ACAP2: variants seen among roughly 807,000 people sequenced by gnomAD.
The protein encoded by ACAP2 is ArfGAP with coiled-coil, ankyrin repeat and PH domains 2, also known as arf-GAP with coiled-coil, ANK repeat and PH domain-containing protein 2.
In ACAP2, 39 loss-of-function variants were observed where a neutral mutation model predicts 115.8. That is an observed-to-expected ratio of 0.34 (90% CI 0.26 to 0.44). ACAP2 has a LOEUF of 0.44. Among genes scored for constraint, ACAP2 ranks in the 20% least tolerant of loss-of-function variants. ACAP2 has a pLI of 1.00. For synonymous variants in ACAP2, 289 were observed against 315.8 expected (o/e 0.92, Z 0.90); for missense variants, 662 against 927.6 (o/e 0.71, Z 3.72).
At chr3:195,296,043 T>A (rs1727638452) in intron 16 of ACAP2, 151 bp from the exon 17 acceptor site, 3 of 610,476 alleles carry the variant, frequency 4.9e-6, no homozygotes, top group Non-Finnish European at 8.3e-6. Flanking sequence ...ATATATATAT[T>A]ATGTTTCCCT....
In ACAP2 at chr3:195,442,802, G is replaced by C; in HGVS notation, c.46C>G (p.Arg16Gly). The change falls in exon 1 of 23, where the codon CGC (arginine) becomes GGC (glycine). Residue 16 changes from arginine to glycine, a missense_variant. By Grantham distance (125) the Arg-to-Gly change is moderately radical (BLOSUM62 -2). Around this residue, in one of 3 missense-constraint regions of ACAP2, gnomAD observed 401 missense variants for 604.4 expected, o/e 0.66. Transcript: ENST00000326793. ...DFEECLKDSP[R>G]FRAALEEVEG... Reference sequence around the variant, plus strand: ...GGCGGCCGTGCCGGTTACCTGAAGCGGGGCGAGTCCTTCAGACACTCCTCG... The same window carrying C: ...GGCGGCCGTGCCGGTTACCTGAAGCCGGGCGAGTCCTTCAGACACTCCTCG... 1 of 1,529,790 alleles carries C rather than the reference G, an allele frequency of 6.5e-7. No individual in the cohort carries two copies. The allele number at this position is 1,529,790 out of a possible 1,614,324, so 94.8% of individuals were successfully genotyped here.
intron 4 of ACAP2, among the ~76,000 whole-genome samples, chr3:195,362,890 T>A (rs114378290): frequency 0.025 from 3,872 of 152,226 alleles, 147 homozygotes; most frequent in African/African-American, 0.085. Context: ...TTCTCTAAGA[T>A]CTGGAAGAAG....
In ACAP2 at chr3:195,297,172, A is replaced by C. The variant is rs772624211; in HGVS notation, c.1487+18T>G. On this transcript the variant is annotated intron_variant, in intron 16 of 22. Transcript: ENST00000326793. ...AGCTATATTCCTAATTAGGGGGAAA[A>C]AACAACTGAAATAGTACCTTTGTCC... is the stretch of plus-strand genomic sequence containing the variant. The C allele has an allele frequency of 7.5e-6, 12 of 1,603,766 alleles. No individual in the cohort carries two copies. The highest frequency in any genetic ancestry group is 1.0e-5 in the Non-Finnish European group (12 of 1,173,538).
chr3:195,328,479 G>A (rs1219129522), intron 8 of ACAP2, among the ~76,000 whole-genome samples: 1 of 152,104 alleles, frequency 6.6e-6, no homozygotes, highest in Non-Finnish European at 1.5e-5. Context: ...GATACAGGTG[G>A]CAACTATGCT....
chr3:195,403,007 G>A (rs1225547322), intron 1 of ACAP2, among the ~76,000 whole-genome samples: 1 of 152,266 alleles, frequency 6.6e-6, no homozygotes, highest in East Asian at 1.9e-4. Context: ...GATGGTATGC[G>A]ATAAGGTGGT....
intron 10 of ACAP2, 44 bp downstream of exon 10, chr3:195,320,657 T>C: frequency 2.1e-6 from 3 of 1,395,736 alleles, no homozygotes; most frequent in Admixed American, 1.7e-5. Context: ...AGTCAGAAAA[T>C]CAAAACTATG....
intron 4 of ACAP2, among the ~76,000 whole-genome samples, chr3:195,377,138 C>CTTTTTTGTTT (rs1733602783): frequency 1.3e-5 from 1 of 77,082 alleles, no homozygotes; most frequent in Admixed American, 1.7e-4. Context: ...GAATGTAAAT[C>CTTTTTTGTTT]TTTTTTTTTT....
chr3:195,323,338 T>G (rs180787449), intron 9 of ACAP2, among the ~76,000 whole-genome samples: 53 of 152,238 alleles, frequency 3.5e-4, no homozygotes, highest in African/African-American at 1.3e-3. Flanking sequence ...AATTGAGAGA[T>G]AAATCAATAT....
chr3:195,306,957 T>A, intron 12 of ACAP2: 2 of 358,626 alleles, frequency 5.6e-6, no homozygotes, highest in Middle Eastern at 1.5e-3. Flanking sequence ...GAAACTCATA[T>A]GATTTCAATT....
intron 13 of ACAP2, among the ~76,000 whole-genome samples, chr3:195,303,122 A>T (rs1215347476): frequency 1.3e-5 from 2 of 152,228 alleles, no homozygotes; most frequent in East Asian, 3.8e-4. Context: ...AGGCTGAGAC[A>T]TGAGAATAGC....
chr3:195,417,345 A>C (rs773507332), intron 1 of ACAP2, among the ~76,000 whole-genome samples: 1 of 152,008 alleles, frequency 6.6e-6, no homozygotes, highest in Non-Finnish European at 1.5e-5. Context: ...TTCTCCAAAA[A>C]TCTGTTGTTC....
intron 22 of ACAP2, among the ~76,000 whole-genome samples, chr3:195,280,243 C>T (rs931947572): frequency 6.6e-6 from 1 of 152,062 alleles, no homozygotes; most frequent in African/African-American, 2.4e-5. Context: ...GAGGCTGAGG[C>T]GGGCAGATCA....
At chr3:195,280,373 G>A (rs922039944) in intron 22 of ACAP2, among the ~76,000 whole-genome samples, 3 of 152,272 alleles carry the variant, frequency 2.0e-5, no homozygotes, top group South Asian at 4.1e-4. Flanking sequence ...TCGGGAGGCT[G>A]AGGCAGGAGA....
At chr3:195,288,099 C>CA (rs547624793) in intron 21 of ACAP2, among the ~76,000 whole-genome samples, 4,799 of 120,366 alleles carry the variant, frequency 0.04, 135 homozygotes, top group East Asian at 0.13. Flanking sequence ...AACTCTGTCT[C>CA]AAAAAAAAAA....
chr3:195,315,586 G>A (rs1309139689), intron 10 of ACAP2, among the ~76,000 whole-genome samples: 4 of 152,128 alleles, frequency 2.6e-5, no homozygotes, highest in Admixed American at 1.3e-4. Context: ...TCCAGGTTTT[G>A]CCCCTCAATT....
At chr3:195,356,287 C>A in intron 4 of ACAP2, 1 of 435,390 alleles carries the variant, frequency 2.3e-6, no homozygotes, top group Non-Finnish European at 4.7e-6. Flanking sequence ...AGCATTTAGA[C>A]CAGCCCCAGG....
intron 1 of ACAP2, among the ~76,000 whole-genome samples, chr3:195,415,769 AAAAAT>A (rs1294709129): frequency 6.6e-6 from 1 of 152,202 alleles, no homozygotes; most frequent in Admixed American, 6.5e-5. Flanking sequence ...TTTATTTAGA[AAAAAT>A]AAAATATATA....
rs1380279614 is a variant in ACAP2, at chr3:195,418,974, CTG to C, written c.53+23819_53+23820del. Among the ~76,000 whole-genome samples, 13 of 152,244 alleles carry C rather than the reference CTG, an allele frequency of 8.5e-5. No homozygotes were observed. The East Asian group carries it at 2.3e-3, about 27-fold the overall frequency. ...ATAACATGGAGATGCTTGCAAGAGACTGTATTGTTTTCTATTCTGTTTCTTTG... is the reference window on the plus strand; with the variant it reads ...ATAACATGGAGATGCTTGCAAGAGACTATTGTTTTCTATTCTGTTTCTTTG... On this transcript the variant is annotated intron_variant, in intron 1 of 22. Transcript: ENST00000326793.
chr3:195,409,063 T>C (rs561210982), intron 1 of ACAP2, among the ~76,000 whole-genome samples: 527 of 143,028 alleles, frequency 3.7e-3, no homozygotes, highest in Non-Finnish European at 5.3e-3. Context: ...CTATTCAACA[T>C]AGCACTGGAA....
Sources: gnomAD v4.1 joint callset for allele counts (sites outside exome capture counted in the v4.1 genomes callset) on GRCh38, gnomAD v4.1.1 for gene constraint, gnomAD v4.1.1 regional missense constraint, MANE v1.5 for transcripts, NCBI Gene and HGNC (gene_info 2026-07-23, HGNC 2026-07-21) for gene names.